Variants in RALGAPA2 observed in about 807,000 individuals in gnomAD.
The protein encoded by RALGAPA2 is Ral GTPase activating protein catalytic subunit alpha 2, also known as ral GTPase-activating protein subunit alpha-2.
In RALGAPA2, 139 loss-of-function variants were observed where a neutral mutation model predicts 230.4. That is an observed-to-expected ratio of 0.60 (90% CI 0.53 to 0.69). RALGAPA2 has a LOEUF of 0.69. RALGAPA2 is among the 30% of genes least tolerant of loss of function. The pLI, the probability that RALGAPA2 is intolerant of heterozygous loss-of-function variation, is 0.00. For missense variants in RALGAPA2, 2,163 were observed against 2,276.0 expected (o/e 0.95, Z 1.01); for synonymous variants, 847 against 837.8 (o/e 1.01, Z -0.19).
chr20:20,599,839 GGT>G (rs1480051422), intron 16 of RALGAPA2, among the ~76,000 whole-genome samples: 2 of 152,024 alleles, frequency 1.3e-5, no homozygotes, highest in African/African-American at 2.4e-5. Flanking sequence ...TGGGCATGGT[GGT>G]GCATGCCTGT....
intron 37 of RALGAPA2, among the ~76,000 whole-genome samples, chr20:20,444,867 T>A (rs1215119721): frequency 1.3e-5 from 2 of 152,230 alleles, no homozygotes; most frequent in Admixed American, 1.3e-4. Context: ...AAGTAATTCG[T>A]GTTTTAAACT....
intron 37 of RALGAPA2, among the ~76,000 whole-genome samples, chr20:20,447,632 CTTT>C (rs67832544): frequency 1.4e-5 from 2 of 144,230 alleles, no homozygotes; most frequent in African/African-American, 2.5e-5. Flanking sequence ...ATCAAATTGC[CTTT>C]TTTTTTTTTT....
chr20:20,710,908 G>A (rs1181178176), intron 1 of RALGAPA2, among the ~76,000 whole-genome samples: 1 of 152,184 alleles, frequency 6.6e-6, no homozygotes, highest in Admixed American at 6.5e-5. Flanking sequence ...AAATGTCCCT[G>A]CAGTAGGTGT....
chr20:20,643,402 T>A lies in RALGAPA2; in HGVS notation c.372+104A>T, dbSNP rs376219568. On this transcript the variant is annotated intron_variant, in intron 5 of 39. Coordinates refer to ENST00000202677, the MANE Select transcript of RALGAPA2 (RefSeq NM_020343.4). ...AATTAAAAATTAAAACTAAGTCAAG[T>A]GGTTTCTAAAGATCTTTTTTCCAAA... is the stretch of plus-strand genomic sequence containing the variant. 2.1e-5 allele frequency: 22 copies of A among 1,061,800 alleles called. No individual in the cohort carries two copies. In the East Asian group the frequency reaches 6.3e-4, roughly 30 times the overall value. The allele number at this position is 1,061,800 out of a possible 1,614,324, so 65.8% of individuals were successfully genotyped here.
At chr20:20,707,865 A>C (rs563498917) in intron 1 of RALGAPA2, among the ~76,000 whole-genome samples, 5 of 151,820 alleles carry the variant, frequency 3.3e-5, no homozygotes, top group African/African-American at 4.8e-5. Flanking sequence ...GCCCAACACC[A>C]CACCTCGCCA....
chr20:20,565,541 T>C (rs986370315), intron 23 of RALGAPA2, among the ~76,000 whole-genome samples: 12 of 152,208 alleles, frequency 7.9e-5, no homozygotes, highest in Non-Finnish European at 2.9e-5. Context: ...TTCCATCATA[T>C]ACCTCATGAG....
chr20:20,541,512 A>C (rs1602712282), intron 24 of RALGAPA2, among the ~76,000 whole-genome samples: 1 of 152,288 alleles, frequency 6.6e-6, no homozygotes, highest in East Asian at 1.9e-4. Context: ...ACCTAATAAC[A>C]GATATGGCCA....
chr20:20,700,882 A>C (rs553455636), intron 1 of RALGAPA2, among the ~76,000 whole-genome samples: 13 of 152,360 alleles, frequency 8.5e-5, no homozygotes, highest in African/African-American at 3.1e-4. Flanking sequence ...TGACTGATGA[A>C]AACAAGCCTT....
intron 16 of RALGAPA2, chr20:20,598,583 G>A (rs2065534397): frequency 2.9e-6 from 1 of 339,396 alleles, no homozygotes; most frequent in East Asian, 8.2e-5. Flanking sequence ...TCAGGCACGT[G>A]TGTGATGTGG....
intron 34 of RALGAPA2, chr20:20,505,137 T>G: frequency 1.0e-6 from 1 of 985,424 alleles, no homozygotes; most frequent in African/African-American, 1.7e-5. Context: ...TACTACAAAC[T>G]GTCTATGTCT....
chr20:20,402,018 C>T (rs996952790), intron 38 of RALGAPA2, among the ~76,000 whole-genome samples: 1 of 152,232 alleles, frequency 6.6e-6, no homozygotes, highest in Non-Finnish European at 1.5e-5. Context: ...CTCCTCTCCC[C>T]CACTGGGTTG....
At chr20:20,680,657 A>G in intron 2 of RALGAPA2, 34 bp downstream of exon 2, 1 of 1,502,420 alleles carries the variant, frequency 6.7e-7, no homozygotes. Context: ...AAATGCCCGA[A>G]TGTTTTTTAA....
chr20:20,575,910 C>T (rs539238307), intron 20 of RALGAPA2, among the ~76,000 whole-genome samples: 6 of 152,118 alleles, frequency 3.9e-5, no homozygotes, highest in South Asian at 2.1e-4. Flanking sequence ...GGCTTAAGTA[C>T]GGTTTGGAGA....
intron 33 of RALGAPA2, among the ~76,000 whole-genome samples, chr20:20,510,718 A>G (rs1393177691): frequency 6.6e-6 from 1 of 152,212 alleles, no homozygotes; most frequent in Non-Finnish European, 1.5e-5. Context: ...CTTCTGAGAC[A>G]GTATAGAACA....
At chr20:20,619,438 A>G in intron 11 of RALGAPA2, 24 bp from the exon 12 acceptor site, 1 of 1,529,954 alleles carries the variant, frequency 6.5e-7, no homozygotes, top group East Asian at 2.3e-5. Flanking sequence ...TGATCCATTA[A>G]CAGAGTGGAA....
intron 36 of RALGAPA2, among the ~76,000 whole-genome samples, chr20:20,476,721 A>ATAAG (rs56115241): frequency 1.3e-5 from 2 of 150,588 alleles, no homozygotes; most frequent in Admixed American, 6.6e-5. Flanking sequence ...AAATAAATAA[A>ATAAG]AGAAAATACA....
In RALGAPA2 at chr20:20,603,544, C is replaced by T. The variant is rs1603027981; in HGVS notation, c.2038+1631G>A. 2.6e-5 allele frequency among the ~76,000 whole-genome samples: 4 copies of T among 152,302 alleles called. No individual in the cohort carries two copies. The South Asian group carries it at 8.3e-4, about 32-fold the overall frequency. ...ATGCACTTGAAAATTTGAGCTTACC[C>T]TCTTACTGCCCCTGAAACTCTAAGC... On this transcript the variant is annotated intron_variant, in intron 15 of 39. Coordinates refer to ENST00000202677, the MANE Select transcript of RALGAPA2 (RefSeq NM_020343.4).
intron 1 of RALGAPA2, among the ~76,000 whole-genome samples, chr20:20,704,313 C>G (rs767142305): frequency 8.5e-5 from 13 of 152,156 alleles, no homozygotes; most frequent in Non-Finnish European, 1.6e-4. Context: ...CAGTTTTGCT[C>G]TTCATTAGCT....
At chr20:20,480,133 G>C (rs75700640) in intron 36 of RALGAPA2, among the ~76,000 whole-genome samples, 9 of 152,182 alleles carry the variant, frequency 5.9e-5, no homozygotes, top group Non-Finnish European at 1.0e-4. Flanking sequence ...ACTCAATATT[G>C]TTGTGACTTT....
Sources: gnomAD v4.1 joint callset for allele counts (sites outside exome capture counted in the v4.1 genomes callset) on GRCh38, gnomAD v4.1.1 for gene constraint, MANE v1.5 for transcripts, NCBI Gene and HGNC (gene_info 2026-07-23, HGNC 2026-07-21) for gene names.